The following VSIG10 variants were observed in gnomAD, a reference collection of about 807,000 sequenced individuals.
VSIG10 encodes the protein V-set and immunoglobulin domain-containing protein 10.
Under a neutral mutation model 58.7 loss-of-function variants are expected in VSIG10, and 48 were observed. The ratio of observed to expected loss-of-function variants is 0.82; its 90% CI spans 0.65 to 1.04. The LOEUF (loss-of-function observed/expected upper bound fraction) is 1.04. VSIG10 is among the 50% of genes least tolerant of loss of function. The pLI is 0.00. For missense variants in VSIG10, 628 were observed against 670.0 expected (o/e 0.94, Z 0.69); for synonymous variants, 260 against 267.1 (o/e 0.97, Z 0.26).
intron 2 of VSIG10, among the ~76,000 whole-genome samples, chr12:118,084,806 T>C (rs1279822182): frequency 1.3e-5 from 2 of 152,206 alleles, no homozygotes; most frequent in South Asian, 4.2e-4. Context: ...CTAAACAAGG[T>C]CAGGAGATCG....
intron 2 of VSIG10, among the ~76,000 whole-genome samples, chr12:118,083,063 A>C (rs1460542246): frequency 7.7e-6 from 1 of 129,038 alleles, no homozygotes; most frequent in East Asian, 2.6e-4. Context: ...TAGGGAGCCG[A>C]TATTGCGCCA....
At chr12:118,083,320 G>T (rs371751794) in intron 2 of VSIG10, among the ~76,000 whole-genome samples, 4 of 151,844 alleles carry the variant, frequency 2.6e-5, no homozygotes, top group African/African-American at 9.7e-5. Context: ...GCTCATTCCT[G>T]AATTCCTAGC....
At chr12:118,073,006 C>T (rs192353907) in intron 5 of VSIG10, among the ~76,000 whole-genome samples, 4 of 152,284 alleles carry the variant, frequency 2.6e-5, no homozygotes, top group South Asian at 2.1e-4. Context: ...AGTGGATTCT[C>T]GCTCTGTCAC....
chr12:118,086,770 T>C (rs2033140524), intron 2 of VSIG10, among the ~76,000 whole-genome samples: 1 of 152,192 alleles, frequency 6.6e-6, no homozygotes, highest in Non-Finnish European at 1.5e-5. Flanking sequence ...TTTACTTATG[T>C]ATTTTTTTGA....
In VSIG10 at chr12:118,073,901, AG is replaced by A. The variant is rs772031843; in HGVS notation, c.1016del (p.Pro339LeufsTer7). ...GGTTCCTCAGCCACAGGATCTTGGC[AG>A]GGGGGTAGGCCCCAGACACCTGGCA... ...LTCQVSGAYPPAKILWLRNLT... is the reference protein window; with the variant it reads ...LTCQVSGAYPXAKILWLRNLT... On this transcript the variant is annotated frameshift_variant, in exon 5 of 9. Transcript: ENST00000359236. LOFTEE classifies it high-confidence loss of function. 1.0e-4 allele frequency: 169 copies of A among 1,613,662 alleles called. 1 individual carries two copies. The South Asian group carries it at 1.7e-3, about 17-fold the overall frequency.
At chr12:118,071,987 T>A (rs2032514606) in intron 5 of VSIG10, among the ~76,000 whole-genome samples, 1 of 147,624 alleles carries the variant, frequency 6.8e-6, no homozygotes, top group Admixed American at 6.8e-5. Flanking sequence ...CTGACCAACA[T>A]GTTAAAACCC....
At chr12:118,067,492 C>A (rs1401321222) in intron 8 of VSIG10, among the ~76,000 whole-genome samples, 1 of 132,014 alleles carries the variant, frequency 7.6e-6, no homozygotes, top group Non-Finnish European at 1.6e-5. Flanking sequence ...GAGACAGAGT[C>A]TCACTCTGTC....
intron 3 of VSIG10, among the ~76,000 whole-genome samples, chr12:118,081,441 C>T (rs368475699): frequency 6.6e-6 from 1 of 152,098 alleles, no homozygotes; most frequent in South Asian, 2.1e-4. Flanking sequence ...TTCTCTGCCT[C>T]AGCCTAAGTA....
intron 2 of VSIG10, among the ~76,000 whole-genome samples, chr12:118,091,029 G>T (rs2033278227): frequency 6.6e-6 from 1 of 152,236 alleles, no homozygotes; most frequent in South Asian, 2.1e-4. Flanking sequence ...CAGCTACTCA[G>T]GTGGCTGAGG....
At chr12:118,091,293 C>A (rs1302305193) in intron 2 of VSIG10, among the ~76,000 whole-genome samples, 1 of 152,012 alleles carries the variant, frequency 6.6e-6, no homozygotes, top group African/African-American at 2.4e-5. Context: ...GAGATCGAGA[C>A]CATCCTGGCT....
chr12:118,081,232 C>T (rs145569883), intron 3 of VSIG10, among the ~76,000 whole-genome samples: 6 of 151,950 alleles, frequency 3.9e-5, no homozygotes, highest in Admixed American at 6.6e-5. Flanking sequence ...GGTGACAGAG[C>T]GAGACTCGGT....
chr12:118,078,951 A>T (rs2032835546), intron 4 of VSIG10, among the ~76,000 whole-genome samples: 1 of 143,592 alleles, frequency 7.0e-6, no homozygotes, highest in Non-Finnish European at 1.5e-5. Context: ...AAAAAAAAAA[A>T]AAAAAAAAAA....
intron 2 of VSIG10, among the ~76,000 whole-genome samples, chr12:118,087,304 A>G (rs1000497307): frequency 6.6e-6 from 1 of 151,968 alleles, no homozygotes; most frequent in Non-Finnish European, 1.5e-5. Flanking sequence ...CCGGGCCTAC[A>G]GAAAACCTGA....
Position 118,068,592 on chromosome 12 carries a change from T to C in VSIG10, c.1352A>G (p.Gln451Arg), listed in dbSNP as rs2032355770. Residue 451 changes from glutamine (Q) to arginine (R), a missense_variant, in exon 8 of 9, where the codon CAA (glutamine) becomes CGA (arginine). By Grantham distance (43) the Gln-to-Arg change is conservative. Transcript: ENST00000359236. The stretch of plus-strand genomic sequence containing the variant: ...CAAAACCATGACATCATCCATGTTT[T>C]GTCCCCTAATTTCCAAAGGGGAAAA... ...CWKVGNTSRG[Q>R]NMDDVMVLVD... is the part of the protein sequence containing the mutation. 9.7e-6 allele frequency: 15 copies of C among 1,549,754 alleles called. No homozygotes were observed. The highest frequency in any genetic ancestry group is 1.1e-5 in the Non-Finnish European group (13 of 1,145,582).
intron 2 of VSIG10, among the ~76,000 whole-genome samples, chr12:118,089,302 CT>C (rs2033226568): frequency 6.6e-6 from 1 of 152,168 alleles, no homozygotes; most frequent in Non-Finnish European, 1.5e-5. Flanking sequence ...GCAACAAGAC[CT>C]TGCCTTTATC....
intron 7 of VSIG10, among the ~76,000 whole-genome samples, chr12:118,070,559 AAAAAAG>A (rs965757442): frequency 1.3e-5 from 2 of 151,698 alleles, no homozygotes; most frequent in African/African-American, 2.4e-5. Flanking sequence ...AAAAAAAAAA[AAAAAAG>A]AAAAAAGAAA....
At chr12:118,094,420 G>A (rs1370599229) in intron 2 of VSIG10, among the ~76,000 whole-genome samples, 3 of 152,016 alleles carry the variant, frequency 2.0e-5, no homozygotes, top group East Asian at 1.9e-4. Context: ...GTCTAGTTCT[G>A]TTGCCCAGGC....
chr12:118,075,823 G>A (rs147656662), intron 4 of VSIG10, among the ~76,000 whole-genome samples: 343 of 152,312 alleles, frequency 2.3e-3, no homozygotes, highest in African/African-American at 7.8e-3. Context: ...CACAGAGAAA[G>A]TTAAGTAATT....
intron 2 of VSIG10, among the ~76,000 whole-genome samples, chr12:118,090,083 G>A (rs1424112730): frequency 2.0e-5 from 3 of 152,196 alleles, no homozygotes; most frequent in Non-Finnish European, 4.4e-5. Flanking sequence ...GGAGGCTGAG[G>A]CGGGCGGATC....
Sources: gnomAD v4.1 joint callset for allele counts (sites outside exome capture counted in the v4.1 genomes callset) on GRCh38, gnomAD v4.1.1 for gene constraint, MANE v1.5 for transcripts, NCBI Gene and HGNC (gene_info 2026-07-23, HGNC 2026-07-21) for gene names.